Variants in DIP2B observed in about 807,000 individuals in gnomAD.
The protein encoded by DIP2B is DIP2 acetate--CoA ligase B (putative).
DIP2B carries 76 observed loss-of-function variants against 198.0 expected under a neutral mutation model. The ratio of observed to expected loss-of-function variants is 0.38; its 90% CI spans 0.32 to 0.46. The LOEUF is 0.46. Ranked by LOEUF, DIP2B falls within the 20% of genes least tolerant of loss-of-function variation. The probability of loss-of-function intolerance (pLI) is 0.99; values close to 1 mark genes in which losing one functional copy is unlikely to be tolerated. For synonymous variants in DIP2B, 701 were observed against 739.1 expected, an observed-to-expected ratio of 0.95 and a Z score of 0.84; for missense variants, 1,559 against 1,978.4, an observed-to-expected ratio of 0.79 and a Z score of 4.02.
Position 50,543,924 on chromosome 12 carries a change from T to TTA in DIP2B, c.100+38684_100+38685insTA, listed in dbSNP as rs1555183029. On this transcript the variant is annotated intron_variant, in intron 1 of 37. Coordinates refer to ENST00000301180, the MANE Select transcript of DIP2B (RefSeq NM_173602.3). ...GGGCGACAGAGTGAGACTCAGCCTTTAAAAAAAAAAAAAAAAAAAAGGAGG... is the reference window on the plus strand; with the variant it reads ...GGGCGACAGAGTGAGACTCAGCCTTTTAAAAAAAAAAAAAAAAAAAAAGGAGG... 8.3e-3 allele frequency among the ~76,000 whole-genome samples: 842 copies of TTA among 101,178 alleles called. 13 individuals carry two copies. The highest frequency in any genetic ancestry group is 0.031 in the African/African-American group (790 of 25,212). 66.4% of individuals were successfully genotyped at this position (101,178 alleles called of 152,430 possible). A position where few individuals can be genotyped will look rare whatever the true frequency, so the allele number is the denominator to read the frequency against.
At chr12:50,570,315 T>G (rs1016895287) in intron 1 of DIP2B, among the ~76,000 whole-genome samples, 45 of 152,270 alleles carry the variant, frequency 3.0e-4, no homozygotes, top group African/African-American at 1.0e-3. Context: ...ATACCCAGAG[T>G]GTTCTAGCGA....
chr12:50,686,770 C>T lies in DIP2B; in HGVS notation c.1551+88C>T, dbSNP rs559910706. The T allele has an allele frequency of 9.1e-5, 113 of 1,248,602 alleles. 2 individuals carry two copies. In the South Asian group the frequency reaches 1.3e-3, roughly 14 times the overall value. 77.3% of individuals were successfully genotyped at this position (1,248,602 alleles called of 1,614,324 possible). A position where few individuals can be genotyped will look rare whatever the true frequency, so the allele number is the denominator to read the frequency against. On this transcript the variant is annotated intron_variant, in intron 12 of 37. Coordinates refer to ENST00000301180, the MANE Select transcript of DIP2B (RefSeq NM_173602.3). Reference sequence around the variant, plus strand: ...AAAATATAAAACTGAATTTTTGCAACGTTAATGTTAGAAGATCCTCCTGCT... The same window carrying T: ...AAAATATAAAACTGAATTTTTGCAATGTTAATGTTAGAAGATCCTCCTGCT...
intron 1 of DIP2B, among the ~76,000 whole-genome samples, chr12:50,574,323 C>CA (rs1313284799): frequency 4.6e-5 from 7 of 152,030 alleles, no homozygotes; most frequent in Admixed American, 4.6e-4. Context: ...GGATAAATGG[C>CA]AAAAAACCAA....
intron 30 of DIP2B, among the ~76,000 whole-genome samples, chr12:50,729,060 C>T (rs1939989101): frequency 6.6e-6 from 1 of 152,134 alleles, no homozygotes. Context: ...GGGATGACAG[C>T]ATGTGGATGG....
Position 50,591,238 on chromosome 12 carries a change from T to C in DIP2B, c.101-34738T>C, listed in dbSNP as rs190414492. The stretch of plus-strand genomic sequence containing the variant: ...AAGAGCAGGAATTCAATAATCTGTT[T>C]TACTTCTCCATGGACTTTGAAGGCC... On this transcript the variant is annotated intron_variant, in intron 1 of 37. Coordinates refer to ENST00000301180, the MANE Select transcript of DIP2B (RefSeq NM_173602.3). 2.0e-5 allele frequency among the ~76,000 whole-genome samples: 3 copies of C among 152,344 alleles called. No individual in the cohort carries two copies. In the East Asian group the frequency reaches 5.8e-4, roughly 29 times the overall value.
At chr12:50,691,970 C>T (rs1403623549) in intron 13 of DIP2B, among the ~76,000 whole-genome samples, 2 of 151,904 alleles carry the variant, frequency 1.3e-5, no homozygotes, top group Non-Finnish European at 2.9e-5. Context: ...GAGGCTGAGG[C>T]GGGAGAATCA....
chr12:50,725,758 A>G (rs1168395318), intron 28 of DIP2B, among the ~76,000 whole-genome samples: 1 of 152,216 alleles, frequency 6.6e-6, no homozygotes, highest in African/African-American at 2.4e-5. Flanking sequence ...TGCAGATTAG[A>G]AAACTGAGGG....
At chr12:50,610,374 T>G (rs1163088570) in intron 1 of DIP2B, among the ~76,000 whole-genome samples, 1 of 152,222 alleles carries the variant, frequency 6.6e-6, no homozygotes, top group Non-Finnish European at 1.5e-5. Context: ...AAATATCTGC[T>G]GGAACTCTGA....
At chr12:50,515,790 G>T (rs754468809) in intron 1 of DIP2B, among the ~76,000 whole-genome samples, 12 of 152,122 alleles carry the variant, frequency 7.9e-5, no homozygotes, top group Non-Finnish European at 1.8e-4. Flanking sequence ...GCCCTGACTT[G>T]CCTCTGCTCT....
chr12:50,737,135 T>G (rs201696523), intron 35 of DIP2B, 25 bp downstream of exon 35: 1 of 1,601,504 alleles, frequency 6.2e-7, no homozygotes, highest in African/African-American at 1.3e-5. Flanking sequence ...TCATTTTTAC[T>G]CTGAAAAGTC....
intron 30 of DIP2B, among the ~76,000 whole-genome samples, chr12:50,731,151 G>C (rs1026456534): frequency 6.6e-6 from 1 of 152,204 alleles, no homozygotes; most frequent in Non-Finnish European, 1.5e-5. Flanking sequence ...CTGTAAGAAT[G>C]TTATGTAGAC....
At chr12:50,704,354 T>A in intron 20 of DIP2B, 134 bp downstream of exon 20, 1 of 718,174 alleles carries the variant, frequency 1.4e-6, no homozygotes, top group Non-Finnish European at 2.1e-6. Context: ...GCAGTTCTTG[T>A]AAGGATGTCA....
intron 1 of DIP2B, among the ~76,000 whole-genome samples, chr12:50,506,090 CAAT>C (rs887362136): frequency 2.6e-5 from 4 of 151,938 alleles, no homozygotes; most frequent in African/African-American, 9.7e-5. Flanking sequence ...CCTTGTACAA[CAAT>C]GAGAGAAACA....
intron 1 of DIP2B, among the ~76,000 whole-genome samples, chr12:50,521,155 G>A (rs1958114656): frequency 7.1e-6 from 1 of 141,672 alleles, no homozygotes; most frequent in Non-Finnish European, 1.5e-5. Flanking sequence ...CGCCCAGGCT[G>A]GAGTACAGTG....
In DIP2B at chr12:50,505,005, G is replaced by C. The variant is rs985322584; in HGVS notation, c.-136G>C. ...CGCTCACGTGACCTTTGCTCATGGC[G>C]GCGGCGGCGGCGGCGGCGGTGCTGG... On this transcript the variant is annotated 5_prime_UTR_variant, in exon 1 of 38. Coordinates refer to ENST00000301180, the MANE Select transcript of DIP2B (RefSeq NM_173602.3). The C allele has an allele frequency of 1.2e-6, 1 of 827,312 alleles. No homozygotes were observed. The highest frequency in any genetic ancestry group is 1.6e-5 in the South Asian group (1 of 62,480). The allele number at this position is 827,312 out of a possible 1,614,324, so 51.2% of individuals were successfully genotyped here. A position where few individuals can be genotyped will look rare whatever the true frequency, so the allele number is the denominator to read the frequency against.
chr12:50,675,230 C>T (rs755381505), intron 6 of DIP2B, 99 bp from the exon 7 acceptor site: 271 of 1,458,100 alleles, frequency 1.9e-4, no homozygotes, highest in Non-Finnish European at 2.2e-4. Flanking sequence ...ACTGGACAAA[C>T]GCCAAACATC....
chr12:50,615,579 C>T (rs536530117), intron 1 of DIP2B, among the ~76,000 whole-genome samples: 1 of 152,112 alleles, frequency 6.6e-6, no homozygotes, highest in Admixed American at 6.5e-5. Context: ...GAGAATTTAC[C>T]AACCCAGAAT....
chr12:50,689,302 G>C (rs1281101778), intron 12 of DIP2B, among the ~76,000 whole-genome samples: 1 of 151,908 alleles, frequency 6.6e-6, no homozygotes, highest in East Asian at 1.9e-4. Context: ...GGGAGGCTGA[G>C]CCTGGGAGCT....
At chr12:50,644,928 TTGTC>T (rs1167896876) in intron 3 of DIP2B, among the ~76,000 whole-genome samples, 2 of 152,228 alleles carry the variant, frequency 1.3e-5, no homozygotes, top group East Asian at 3.8e-4. Context: ...TGATTTGCTG[TTGTC>T]TGTTACTTTC....
Sources: allele counts gnomAD v4.1 joint callset (sites outside exome capture counted in the v4.1 genomes callset), GRCh38; gene constraint gnomAD v4.1.1; transcripts MANE v1.5; gene names NCBI Gene and HGNC (gene_info 2026-07-23, HGNC 2026-07-21).